PLEKHA7: variants seen among roughly 807,000 people sequenced by gnomAD.
The protein encoded by PLEKHA7 is pleckstrin homology domain-containing family A member 7.
Under a neutral mutation model 170.0 loss-of-function variants are expected in PLEKHA7, and 104 were observed. That is an observed-to-expected ratio of 0.61 (90% CI 0.52 to 0.72). The LOEUF is 0.72. PLEKHA7 is among the 30% of genes least tolerant of loss of function. The pLI, the probability that PLEKHA7 is intolerant of heterozygous loss-of-function variation, is 0.00. For synonymous variants in PLEKHA7, 648 were observed against 660.8 expected, an observed-to-expected ratio of 0.98 and a Z score of 0.30; for missense variants, 1,615 against 1,671.7, an observed-to-expected ratio of 0.97 and a Z score of 0.59.
chr11:16,947,921 A>G (rs1346092778), intron 3 of PLEKHA7, among the ~76,000 whole-genome samples: 1 of 135,250 alleles, frequency 7.4e-6, no homozygotes, highest in Non-Finnish European at 1.7e-5. Context: ...GTCTCAAAAA[A>G]AAAAAAAAAA....
At chr11:16,872,700 T>C (rs1050310589) in intron 3 of PLEKHA7, among the ~76,000 whole-genome samples, 2 of 152,174 alleles carry the variant, frequency 1.3e-5, no homozygotes, top group Non-Finnish European at 1.5e-5. Context: ...TTGGGTTTTT[T>C]TGTAGAGATG....
chr11:16,836,602 C>G (rs1391490169), intron 9 of PLEKHA7, among the ~76,000 whole-genome samples: 1 of 152,206 alleles, frequency 6.6e-6, no homozygotes, highest in African/African-American at 2.4e-5. Context: ...AAGATTTAGT[C>G]TGCCTGACGA....
At chr11:16,862,939 G>C (rs971841292) in intron 4 of PLEKHA7, among the ~76,000 whole-genome samples, 2 of 135,634 alleles carry the variant, frequency 1.5e-5, no homozygotes, top group South Asian at 2.6e-4. Context: ...TAGAGACAAG[G>C]TGCTGGCTAT....
chr11:16,841,398 G>T, intron 9 of PLEKHA7, 149 bp downstream of exon 9: 2 of 837,914 alleles, frequency 2.4e-6, no homozygotes, highest in South Asian at 4.5e-5. Context: ...CCAGGCCTTA[G>T]TGTTTTTGTT....
At chr11:16,998,876 T>A (rs1012699908) in intron 3 of PLEKHA7, among the ~76,000 whole-genome samples, 1 of 151,964 alleles carries the variant, frequency 6.6e-6, no homozygotes, top group Admixed American at 6.6e-5. Context: ...CTTTCTTTGG[T>A]GGGTAGGAAA....
chr11:16,895,053 CTTTT>C (rs986860926), intron 3 of PLEKHA7, among the ~76,000 whole-genome samples: 2 of 152,152 alleles, frequency 1.3e-5, no homozygotes, highest in African/African-American at 4.8e-5. Flanking sequence ...CAAATCCAGG[CTTTT>C]TGACTCCAGA....
At chr11:17,002,763 GA>G (rs887197119) in intron 3 of PLEKHA7, among the ~76,000 whole-genome samples, 7 of 152,152 alleles carry the variant, frequency 4.6e-5, no homozygotes, top group Admixed American at 4.6e-4. Context: ...CACAGATTAA[GA>G]AGCAGACATC....
chr11:16,829,838 T>C (rs966151628), intron 9 of PLEKHA7, among the ~76,000 whole-genome samples: 2 of 148,352 alleles, frequency 1.3e-5, no homozygotes, highest in African/African-American at 2.5e-5. Flanking sequence ...ACAATGTACA[T>C]ATGACAGGTT....
intron 3 of PLEKHA7, among the ~76,000 whole-genome samples, chr11:16,947,237 T>C (rs898179072): frequency 6.6e-6 from 1 of 152,200 alleles, no homozygotes; most frequent in Admixed American, 6.5e-5. Flanking sequence ...TTGTACACTG[T>C]TGGTGGGAAT....
In PLEKHA7 at chr11:17,002,494, A is replaced by C. The variant is rs1864726004; in HGVS notation, c.221+11495T>G. 2.6e-5 allele frequency among the ~76,000 whole-genome samples: 4 copies of C among 152,090 alleles called. No individual in the cohort carries two copies. In the South Asian group the frequency reaches 8.3e-4, roughly 32 times the overall value. On this transcript the variant is annotated intron_variant, in intron 3 of 26. Coordinates refer to ENST00000531066, the MANE Select transcript of PLEKHA7 (RefSeq NM_001329630.2). ...TAGAAACTGCATAGAATTTGGAGCC[A>C]AGAAGACTTCGGTTCAAGTCTTAAA...
intron 9 of PLEKHA7, among the ~76,000 whole-genome samples, chr11:16,828,775 C>T (rs146605590): frequency 1.3e-5 from 2 of 152,324 alleles, no homozygotes; most frequent in Non-Finnish European, 2.9e-5. Flanking sequence ...TGAGGCTCCA[C>T]AGTCTCAGTG....
At chr11:16,951,553 C>G (rs1024555068) in intron 3 of PLEKHA7, among the ~76,000 whole-genome samples, 1 of 152,020 alleles carries the variant, frequency 6.6e-6, no homozygotes. Flanking sequence ...TAAAAGAACT[C>G]AGATACAAAC....
At chr11:16,986,382 G>A (rs545040181) in intron 3 of PLEKHA7, among the ~76,000 whole-genome samples, 20 of 152,290 alleles carry the variant, frequency 1.3e-4, no homozygotes, top group Admixed American at 1.2e-3. Context: ...ACCCCATGGA[G>A]AAGGGAGGCA....
chr11:16,788,954 C>G (rs1049304240), intron 23 of PLEKHA7, 142 bp downstream of exon 23: 8 of 1,072,908 alleles, frequency 7.5e-6, no homozygotes, highest in African/African-American at 1.6e-5. Flanking sequence ...CGTGGACAAA[C>G]AGCCCCGTGG....
intron 3 of PLEKHA7, among the ~76,000 whole-genome samples, chr11:16,940,774 C>T (rs1860643873): frequency 6.6e-6 from 1 of 151,984 alleles, no homozygotes; most frequent in Non-Finnish European, 1.5e-5. Context: ...TGTTTTTTCA[C>T]TTTCCATAGG....
chr11:16,816,897 G>A lies in PLEKHA7; in HGVS notation c.1769C>T (p.Pro590Leu), dbSNP rs779864557. Residue 590 changes from proline (P) to leucine (L), a missense_variant, in exon 11 of 27, where the codon CCA becomes CTA. Physicochemically the swap from Pro to Leu is moderately conservative, Grantham distance 98. Transcript: ENST00000531066. ...TGGCTTCACTGTGACTCGCTCTGCT[G>A]GTGTGTGTGGCCGCCGGGGTGGGAA... Reference protein sequence around the residue: ...RVFPPRRPHTPAERVTVKPPD... With the variant: ...RVFPPRRPHTLAERVTVKPPD... 1.2e-6 allele frequency: 2 copies of A among 1,614,144 alleles called. No homozygotes were observed. The highest frequency in any genetic ancestry group is 1.7e-6 in the Non-Finnish European group (2 of 1,180,034).
intron 4 of PLEKHA7, among the ~76,000 whole-genome samples, chr11:16,859,798 G>A (rs116918558): frequency 0.035 from 5,372 of 152,318 alleles, 157 homozygotes; most frequent in Middle Eastern, 0.048. Context: ...ACCTTGAAAG[G>A]CATTCAGTTC....
chr11:16,817,399 C>A lies in PLEKHA7; in HGVS notation c.1344-77G>T. The A allele has an allele frequency of 7.0e-7, 1 of 1,419,410 alleles. No individual in the cohort carries two copies. Among genetic ancestry groups the A allele is most frequent in the Non-Finnish European group, 9.5e-7 (1 of 1,054,702 alleles). 87.9% of individuals were successfully genotyped at this position (1,419,410 alleles called of 1,614,324 possible). On this transcript the variant is annotated intron_variant, in intron 10 of 26. Coordinates refer to ENST00000531066, the MANE Select transcript of PLEKHA7 (RefSeq NM_001329630.2). This position sits in a 1 kb window ranked among gnomAD's most constrained non-coding sequence, Gnocchi z 4.4. ...GCTTTGGGGAACATATCTAAGTAAA[C>A]CCACAAAGCTGGGCATGTGGGACAG...
At chr11:16,936,680 T>C (rs1329911669) in intron 3 of PLEKHA7, among the ~76,000 whole-genome samples, 1 of 152,230 alleles carries the variant, frequency 6.6e-6, no homozygotes, top group African/African-American at 2.4e-5. Context: ...CAGGAGACAG[T>C]GTGACAAGAA....
Sources: gnomAD v4.1 joint callset for allele counts (sites outside exome capture counted in the v4.1 genomes callset) on GRCh38, gnomAD v4.1.1 for gene constraint, Gnocchi (gnomAD v3.1) non-coding constraint, MANE v1.5 for transcripts, NCBI Gene and HGNC (gene_info 2026-07-23, HGNC 2026-07-21) for gene names.